PITPNM2: variants seen among roughly 807,000 people sequenced by gnomAD.
The protein encoded by PITPNM2 is phosphatidylinositol transfer protein membrane associated 2, also known as membrane-associated phosphatidylinositol transfer protein 2.
In PITPNM2, 35 loss-of-function variants were observed where a neutral mutation model predicts 132.2. That is an observed-to-expected ratio of 0.26 (90% CI 0.20 to 0.35). The LOEUF (loss-of-function observed/expected upper bound fraction) is 0.35. PITPNM2 is among the 10% of genes least tolerant of loss of function. The pLI is 1.00. For missense variants in PITPNM2, 1,332 were observed against 1,912.0 expected, an observed-to-expected ratio of 0.70 and a Z score of 5.66; for synonymous variants, 738 against 799.2, an observed-to-expected ratio of 0.92 and a Z score of 1.29.
At chr12:123,137,779 G>A (rs905292788) in intron 1 of PITPNM2, among the ~76,000 whole-genome samples, 2 of 151,922 alleles carry the variant, frequency 1.3e-5, no homozygotes, top group Middle Eastern at 3.4e-3. Flanking sequence ...TGTAGTGCCA[G>A]CTACTCAGGA....
At chr12:123,016,179 A>T (rs2039417007) in intron 3 of PITPNM2, among the ~76,000 whole-genome samples, 1 of 152,018 alleles carries the variant, frequency 6.6e-6, no homozygotes, top group Non-Finnish European at 1.5e-5. Flanking sequence ...TACAAAAAGT[A>T]GCTGGGCGTG....
rs753201828 is a variant in PITPNM2 at position 122,986,586 on chromosome 12, C to T, written c.3598-22G>A. The T allele has an allele frequency of 5.6e-6, 9 of 1,597,854 alleles. No individual in the cohort carries two copies. The African/African-American group carries it at 6.7e-5, about 12-fold the overall frequency. ...GCAGCTGTGGGGAGACTGGCATGGG[C>T]ACAGGCACCATGGTCCCTCTGCCCC... On this transcript the variant is annotated intron_variant, in intron 24 of 25. Transcript: ENST00000320201.
intron 2 of PITPNM2, among the ~76,000 whole-genome samples, chr12:123,051,312 A>G (rs1001170080): frequency 6.6e-6 from 1 of 152,204 alleles, no homozygotes; most frequent in Admixed American, 6.5e-5. Context: ...GCCACCTTTT[A>G]AGGGCTGAAT....
chr12:123,006,533 T>C (rs2038940192), intron 6 of PITPNM2, among the ~76,000 whole-genome samples: 1 of 148,394 alleles, frequency 6.7e-6, no homozygotes, highest in Admixed American at 6.7e-5. Flanking sequence ...AGATCCCCCA[T>C]CTCTACCAGA....
At chr12:123,121,854 C>T (rs2043039367) in intron 1 of PITPNM2, among the ~76,000 whole-genome samples, 1 of 150,318 alleles carries the variant, frequency 6.7e-6, no homozygotes, top group South Asian at 2.1e-4. Context: ...CCATGTCAAC[C>T]TTTTGTTTGT....
At chr12:123,084,428 T>C (rs2042054253) in intron 2 of PITPNM2, 1 of 152,226 alleles carries the variant, frequency 6.6e-6, no homozygotes, top group Admixed American at 6.5e-5. Context: ...GCATGAGCTC[T>C]CTGGGACCCA....
At chr12:123,084,605 C>T (rs1372203118) in intron 2 of PITPNM2, 1 of 152,196 alleles carries the variant, frequency 6.6e-6, no homozygotes. Context: ...GAGACGAACG[C>T]TTAGCCTACT....
intron 3 of PITPNM2, among the ~76,000 whole-genome samples, chr12:123,033,876 AGTACAGG>A (rs2040179153): frequency 6.6e-6 from 1 of 152,180 alleles, no homozygotes; most frequent in Non-Finnish European, 1.5e-5. Flanking sequence ...TTACTTAATG[AGTACAGG>A]GTATTTGAGT....
rs1197010466 is a variant in PITPNM2 at position 122,995,668 on chromosome 12, G to A, written c.1783-8C>T. 7.0e-6 allele frequency: 11 copies of A among 1,579,304 alleles called. No individual in the cohort carries two copies. The highest frequency in any genetic ancestry group is 1.1e-5 in the South Asian group (1 of 88,118). ...GGACAGCAGGTCATTGTCCTGGAAC[G>A]GCCCCGTGGAGGCTCACTGCCAGGT... On this transcript the variant is annotated splice_region_variant and splice_polypyrimidine_tract_variant and intron_variant, in intron 13 of 25. Transcript: ENST00000320201.
chr12:123,003,445 C>G (rs1003755029), intron 8 of PITPNM2, among the ~76,000 whole-genome samples: 5 of 152,254 alleles, frequency 3.3e-5, no homozygotes, highest in African/African-American at 1.2e-4. Flanking sequence ...CAAGAGGCCC[C>G]TCCTCCGTCC....
chr12:122,987,706 A>C (rs776548181), intron 21 of PITPNM2, 47 bp from the exon 22 acceptor site: 3 of 1,609,660 alleles, frequency 1.9e-6, no homozygotes, highest in South Asian at 2.2e-5. Context: ...TGGCCTCTCC[A>C]CCCCCTGCAC....
At position 122,992,168 on chromosome 12, in the gene PITPNM2, T is replaced by A. The variant is rs2038218724; in HGVS notation, c.2404+331A>T. Among the ~76,000 whole-genome samples, 1 of 152,102 alleles carries A rather than the reference T, an allele frequency of 6.6e-6. No homozygotes were observed. Among genetic ancestry groups the A allele is most frequent in the African/African-American group, 2.4e-5 (1 of 41,414 alleles). On this transcript the variant is annotated intron_variant, in intron 16 of 25. Coordinates refer to ENST00000320201, the MANE Select transcript of PITPNM2 (RefSeq NM_020845.3). The surrounding 1 kb of genome is among the most constrained non-coding windows in gnomAD (Gnocchi z 6.5). The stretch of plus-strand genomic sequence containing the variant: ...TAAGTGAGGGTCCCTGCTGGGTCCT[T>A]AGCTCTGTCTCTGTTGGGATGGAGG...
rs978273543 is a variant in PITPNM2 at position 123,036,780 on chromosome 12, C to T, written c.-95-2095G>A. 6.6e-6 allele frequency among the ~76,000 whole-genome samples: 1 copy of T among 152,162 alleles called. No individual in the cohort carries two copies. Among genetic ancestry groups the T allele is most frequent in the African/African-American group, 2.4e-5 (1 of 41,456 alleles). On this transcript the variant is annotated intron_variant, in intron 2 of 25. Coordinates refer to ENST00000320201, the MANE Select transcript of PITPNM2 (RefSeq NM_020845.3). This position sits in a 1 kb window ranked among gnomAD's most constrained non-coding sequence, Gnocchi z 4.1. ...AGCTCCCCTCTCTCTGGGAAGTTTC[C>T]TTGCCCTGTTCCCCTCCTTGGGGTG... is the stretch of plus-strand genomic sequence containing the variant.
In PITPNM2 at chr12:123,117,784, T is replaced by C. The variant is rs1266083488; in HGVS notation, c.-199-7296A>G. Among the ~76,000 whole-genome samples, 1 of 152,252 alleles carries C rather than the reference T, an allele frequency of 6.6e-6. No homozygotes were observed. The highest frequency in any genetic ancestry group is 2.4e-5 in the African/African-American group (1 of 41,472). On this transcript the variant is annotated intron_variant, in intron 1 of 25. Coordinates refer to ENST00000320201, the MANE Select transcript of PITPNM2 (RefSeq NM_020845.3). This position sits in a 1 kb window ranked among gnomAD's most constrained non-coding sequence, Gnocchi z 4.7. ...TATCTCACTATGACAGACTCTGGCA[T>C]GGTCCAATTTCCTCTCCCTAAATCA...
Position 122,992,321 on chromosome 12 carries a change from C to T in PITPNM2, c.2404+178G>A, listed in dbSNP as rs979741580. On this transcript the variant is annotated intron_variant, in intron 16 of 25. Transcript: ENST00000320201. This position sits in a 1 kb window ranked among gnomAD's most constrained non-coding sequence, Gnocchi z 6.5. The stretch of plus-strand genomic sequence containing the variant: ...CATTTGTGCCTCACAGGGATCAGTG[C>T]GGAGGGATGCACCACCCCCACCCCC... Among the ~76,000 whole-genome samples, 4 of 151,928 alleles carry T rather than the reference C, an allele frequency of 2.6e-5. No individual in the cohort carries two copies. The highest frequency in any genetic ancestry group is 6.6e-5 in the Admixed American group (1 of 15,258).
rs1243446303 is a variant in PITPNM2, at chr12:122,986,208, C to T, written c.3869G>A (p.Arg1290Gln). The change falls in exon 26 of 26, where the codon CGG becomes CAG. Residue 1290 changes from arginine (R) to glutamine (Q), a missense_variant. Arg to Gln is a conservative substitution (Grantham distance 43, BLOSUM62 1). This residue lies in a region of PITPNM2 where 163 missense variants were observed against 177.2 expected (regional missense o/e 0.92). Coordinates refer to ENST00000320201, the MANE Select transcript of PITPNM2 (RefSeq NM_020845.3). ...CGAGATGGTGCGAAGCAGGTGGTTC[C>T]GGGAGCGCAGAAAGTCGCCCTGGCC... is the stretch of plus-strand genomic sequence containing the variant. Reference protein sequence around the residue: ...LPGQGDFLRSRNHLLRTISAQ... With the variant: ...LPGQGDFLRSQNHLLRTISAQ... The T allele has an allele frequency of 9.6e-6, 15 of 1,560,330 alleles. No homozygotes were observed. The highest frequency in any genetic ancestry group is 5.7e-5 in the Admixed American group (3 of 52,566).
At chr12:123,140,389 C>T (rs1406039692) in intron 1 of PITPNM2, among the ~76,000 whole-genome samples, 3 of 152,152 alleles carry the variant, frequency 2.0e-5, no homozygotes, top group African/African-American at 7.2e-5. Context: ...TTCCTGTTGC[C>T]CTATTCATGA....
At chr12:123,084,897 TA>T (rs1178145699) in intron 2 of PITPNM2, among the ~76,000 whole-genome samples, 1 of 152,126 alleles carries the variant, frequency 6.6e-6, no homozygotes, top group African/African-American at 2.4e-5. Flanking sequence ...TTTTAATAAA[TA>T]AAAAAGTCAT....
chr12:122,990,776 G>T, intron 16 of PITPNM2, 67 bp from the exon 17 acceptor site: 1 of 1,483,706 alleles, frequency 6.7e-7, no homozygotes, highest in Non-Finnish European at 9.0e-7. Flanking sequence ...CAGTGGGGAA[G>T]CCAGTGTGCC....
Sources: gnomAD v4.1 joint callset for allele counts (sites outside exome capture counted in the v4.1 genomes callset) on GRCh38, gnomAD v4.1.1 for gene constraint, gnomAD v4.1.1 regional missense constraint, Gnocchi (gnomAD v3.1) non-coding constraint, MANE v1.5 for transcripts, NCBI Gene and HGNC (gene_info 2026-07-23, HGNC 2026-07-21) for gene names.